The following ZNF510 variants were observed in gnomAD, a reference collection of about 807,000 sequenced individuals.
ZNF510 encodes the protein zinc finger protein 510.
Under a neutral mutation model 18.1 loss-of-function variants are expected in ZNF510, and 15 were observed. The observed-to-expected ratio is 0.83, with a 90% CI of 0.55 to 1.28. The LOEUF (loss-of-function observed/expected upper bound fraction) is 1.28. Among genes scored for constraint, ZNF510 ranks in the 50% most tolerant of loss-of-function variants. The pLI is 0.00. For synonymous variants in ZNF510, 261 were observed against 266.4 expected (o/e 0.98, Z 0.20); for missense variants, 724 against 791.8 (o/e 0.91, Z 1.03).
At chr9:96,776,547 G>A (rs112135033) in intron 1 of ZNF510, among the ~76,000 whole-genome samples, 2,831 of 152,316 alleles carry the variant, frequency 0.019, 81 homozygotes, top group African/African-American at 0.063. Context: ...GGCCAAGGCA[G>A]GTGGATCACC....
chr9:96,767,661 C>A (rs1165020432), intron 3 of ZNF510, among the ~76,000 whole-genome samples: 1 of 152,040 alleles, frequency 6.6e-6, no homozygotes, highest in Non-Finnish European at 1.5e-5. Flanking sequence ...ACACAAACCA[C>A]CAAAATGGAC....
In ZNF510 at chr9:96,759,429, T is replaced by C; in HGVS notation, c.1401A>G (p.Lys467=). ...TGAGGGTTGACTTCTGGACAAATGTTTTTCCACATTCATTACATTTATAGG... is the reference window on the plus strand; with the variant it reads ...TGAGGGTTGACTTCTGGACAAATGTCTTTCCACATTCATTACATTTATAGG... ...EKPYKCNECG[K]TFVQKSTLRG... Residue 467 remains lysine (K), a synonymous_variant, in exon 6 of 6, where the codon AAA becomes AAG. Transcript: ENST00000223428. The C allele has an allele frequency of 1.2e-6, 2 of 1,614,136 alleles. No homozygotes were observed. Among genetic ancestry groups the C allele is most frequent in the Non-Finnish European group, 1.7e-6 (2 of 1,180,000 alleles).
At chr9:96,763,659 TGAA>T in intron 3 of ZNF510, 27 bp from the exon 4 acceptor site, 5 of 1,566,584 alleles carry the variant, frequency 3.2e-6, no homozygotes, top group Non-Finnish European at 4.3e-6. Flanking sequence ...CTATTCAATC[TGAA>T]GGGTTCAGAA....
At chr9:96,771,848 T>C (rs534078445) in intron 3 of ZNF510, among the ~76,000 whole-genome samples, 14 of 152,308 alleles carry the variant, frequency 9.2e-5, no homozygotes, top group Admixed American at 2.6e-4. Context: ...AAATGCAGTA[T>C]CATTTGTGCT....
intron 3 of ZNF510, among the ~76,000 whole-genome samples, chr9:96,772,817 T>C (rs1349133593): frequency 2.6e-5 from 4 of 152,224 alleles, no homozygotes; most frequent in Non-Finnish European, 5.9e-5. Context: ...ACTTGCAGTA[T>C]GTATTAAAAC....
chr9:96,773,725 G>A (rs10978916), intron 3 of ZNF510, among the ~76,000 whole-genome samples: 12,095 of 152,054 alleles, frequency 0.08, 1,028 homozygotes, highest in East Asian at 0.23. Context: ...ACAGGCACCC[G>A]CCACCACGCC....
intron 1 of ZNF510, among the ~76,000 whole-genome samples, chr9:96,776,994 C>T (rs12347618): frequency 0.15 from 23,030 of 152,188 alleles, 4,069 homozygotes; most frequent in African/African-American, 0.42. Flanking sequence ...TTTGGATACA[C>T]TGAGAAAACC....
chr9:96,762,821 C>T, intron 5 of ZNF510: 1 of 203,690 alleles, frequency 4.9e-6, no homozygotes, highest in Non-Finnish European at 1.0e-5. Context: ...CTATCTTTTC[C>T]CACAATGACT....
chr9:96,774,958 G>T, intron 2 of ZNF510, 112 bp from the exon 3 acceptor site: 1 of 808,638 alleles, frequency 1.2e-6, no homozygotes, highest in Non-Finnish European at 2.0e-6. Flanking sequence ...ATGTTCCTTT[G>T]ACCTTTGAGA....
chr9:96,770,613 AT>A (rs887050816), intron 3 of ZNF510, among the ~76,000 whole-genome samples: 8 of 125,970 alleles, frequency 6.4e-5, no homozygotes, highest in African/African-American at 1.8e-4. Context: ...CAAAAAAAAA[AT>A]ATATATATAT....
At position 96,760,085 on chromosome 9, in the gene ZNF510, T is replaced by C. The variant is rs771420863; in HGVS notation, c.745A>G (p.Thr249Ala). 4 of 1,610,222 alleles carry C rather than the reference T, an allele frequency of 2.5e-6. No individual in the cohort carries two copies. In the African/African-American group the frequency reaches 5.4e-5, roughly 22 times the overall value. The change falls in exon 6 of 6, where the codon ACT (threonine) becomes GCT (alanine). Residue 249 changes from threonine to alanine, a missense_variant. Coordinates refer to ENST00000223428, the MANE Select transcript of ZNF510 (RefSeq NM_014930.3). ...ENLPKHPKFQ[T>A]LEQAFECNKI... ...TTACATTCAAAAGCTTGCTCCAAAG[T>C]TTGAAACTTTGGATGCTTGGGAAGA...
At chr9:96,763,358 G>T in intron 4 of ZNF510, 145 bp from the exon 5 acceptor site, 1 of 1,269,608 alleles carries the variant, frequency 7.9e-7, no homozygotes, top group Non-Finnish European at 1.1e-6. Context: ...ATTCTTTCTA[G>T]TCCTCGACAG....
chr9:96,774,673 C>T, intron 3 of ZNF510, 115 bp downstream of exon 3: 1 of 974,100 alleles, frequency 1.0e-6, no homozygotes, highest in Non-Finnish European at 1.5e-6. Flanking sequence ...TACTGCCCTG[C>T]TTTTCTATAT....
Position 96,759,115 on chromosome 9 carries a change from A to T in ZNF510, c.1715T>A (p.Phe572Tyr), listed in dbSNP as rs778520791. 4 of 1,613,384 alleles carry T rather than the reference A, an allele frequency of 2.5e-6. No individual in the cohort carries two copies. Among genetic ancestry groups the T allele is most frequent in the Non-Finnish European group, 3.4e-6 (4 of 1,179,870 alleles). ...HQKTHTGEKPFKCNECGKTFA... is the reference protein window; with the variant it reads ...HQKTHTGEKPYKCNECGKTFA... ...AGTTTTCCCACATTCGTTACATTTG[A>T]ATGGTTTCTCTCCCGTGTGAGTTTT... The change falls in exon 6 of 6, where the codon TTC becomes TAC. Residue 572 changes from phenylalanine to tyrosine, a missense_variant. Coordinates refer to ENST00000223428, the MANE Select transcript of ZNF510 (RefSeq NM_014930.3).
chr9:96,774,768 G>C lies in ZNF510; in HGVS notation c.129+20C>G, dbSNP rs201552854. 309 of 1,604,600 alleles carry C rather than the reference G, an allele frequency of 1.9e-4. No homozygotes were observed. The highest frequency in any genetic ancestry group is 2.4e-4 in the Non-Finnish European group (285 of 1,172,572). The stretch of plus-strand genomic sequence containing the variant: ...CACCTATGAAATCCATGATGAAAAA[G>C]GTATTAGTAATTAACTCACCTGAGA... On this transcript the variant is annotated intron_variant, in intron 3 of 5. Transcript: ENST00000223428.
At chr9:96,773,115 A>G (rs1336720991) in intron 3 of ZNF510, among the ~76,000 whole-genome samples, 1 of 152,248 alleles carries the variant, frequency 6.6e-6, no homozygotes, top group African/African-American at 2.4e-5. Context: ...TTCTACTGGT[A>G]TCATATTCAA....
chr9:96,775,059 T>G (rs536403055), intron 2 of ZNF510, among the ~76,000 whole-genome samples: 15 of 141,542 alleles, frequency 1.1e-4, no homozygotes, highest in African/African-American at 4.3e-4. Flanking sequence ...GTGTGTGTGT[T>G]TTTTTGTTTT....
chr9:96,764,690 A>T (rs1481466184), intron 3 of ZNF510, among the ~76,000 whole-genome samples: 1 of 152,206 alleles, frequency 6.6e-6, no homozygotes, highest in Non-Finnish European at 1.5e-5. Flanking sequence ...AACATTATAT[A>T]TATAGGGATT....
intron 3 of ZNF510, among the ~76,000 whole-genome samples, chr9:96,766,811 GGAGA>G (rs891871394): frequency 2.7e-5 from 4 of 149,944 alleles, no homozygotes; most frequent in Non-Finnish European, 5.9e-5. Context: ...CAAACTATTA[GGAGA>G]GAGAGAGACG....
Sources: gnomAD v4.1 joint callset for allele counts (sites outside exome capture counted in the v4.1 genomes callset) on GRCh38, gnomAD v4.1.1 for gene constraint, MANE v1.5 for transcripts, NCBI Gene and HGNC (gene_info 2026-07-23, HGNC 2026-07-21) for gene names.